Variants in MME observed in about 807,000 individuals in gnomAD.
MME encodes neprilysin.
Under a neutral mutation model 113.2 loss-of-function variants are expected in MME, and 98 were observed. The ratio of observed to expected loss-of-function variants is 0.87; its 90% CI spans 0.74 to 1.02. The LOEUF is 1.02. Ranked by LOEUF, MME falls within the 50% of genes least tolerant of loss-of-function variation. MME has a pLI of 0.00. For synonymous variants in MME, 292 were observed against 300.6 expected, an observed-to-expected ratio of 0.97 and a Z score of 0.30; for missense variants, 836 against 896.0, an observed-to-expected ratio of 0.93 and a Z score of 0.86.
At chr3:155,072,205 T>C (rs1479798322) in intron 1 of MME, among the ~76,000 whole-genome samples, 1 of 143,868 alleles carries the variant, frequency 7.0e-6, no homozygotes, top group Admixed American at 7.0e-5. Context: ...ATCACTGTCC[T>C]AGCCCTTTAA....
At chr3:155,174,983 G>C (rs1712378869) in intron 22 of MME, among the ~76,000 whole-genome samples, 1 of 151,968 alleles carries the variant, frequency 6.6e-6, no homozygotes, top group Admixed American at 6.6e-5. Flanking sequence ...GAGAATGAGA[G>C]GTTGCAAATT....
At chr3:155,028,011 G>C (rs563951026) in intron 1 of MME, among the ~76,000 whole-genome samples, 1 of 152,260 alleles carries the variant, frequency 6.6e-6, no homozygotes, top group African/African-American at 2.4e-5. Flanking sequence ...TCATGCATGG[G>C]TAAATGTAAC....
chr3:155,179,708 GC>G (rs1712893879), intron 22 of MME, among the ~76,000 whole-genome samples: 1 of 152,162 alleles, frequency 6.6e-6, no homozygotes, highest in African/African-American at 2.4e-5. Context: ...ACTGCTAGGT[GC>G]AGATAGTGAG....
chr3:155,173,315 C>T (rs1020327094), intron 22 of MME, among the ~76,000 whole-genome samples: 4 of 147,806 alleles, frequency 2.7e-5, no homozygotes, highest in African/African-American at 1.0e-4. Flanking sequence ...ATCAACAACA[C>T]CTCTCAGGCA....
intron 16 of MME, among the ~76,000 whole-genome samples, chr3:155,155,112 A>T (rs1722221541): frequency 1.3e-5 from 2 of 152,158 alleles, no homozygotes; most frequent in South Asian, 4.1e-4. Context: ...TTCTATTGGC[A>T]AAAAGATTTC....
At chr3:155,138,964 C>A (rs1233681234) in intron 9 of MME, among the ~76,000 whole-genome samples, 1 of 152,074 alleles carries the variant, frequency 6.6e-6, no homozygotes, top group Non-Finnish European at 1.5e-5. Context: ...TTGCAAACGA[C>A]AACCTGCATC....
intron 8 of MME, among the ~76,000 whole-genome samples, chr3:155,119,929 C>A (rs201456667): frequency 0.27 from 20,080 of 73,226 alleles, 2,900 homozygotes; most frequent in African/African-American, 0.3. Flanking sequence ...GGTATATACC[C>A]AGTAATGGGA....
At chr3:155,109,659 A>G (rs1419381819) in intron 3 of MME, among the ~76,000 whole-genome samples, 1 of 152,116 alleles carries the variant, frequency 6.6e-6, no homozygotes, top group Non-Finnish European at 1.5e-5. Flanking sequence ...CCCTGACTGC[A>G]CATTAGACCC....
In MME at chr3:155,168,770, T is replaced by C. The variant is rs1711592146; in HGVS notation, c.1953T>C (p.Asp651=). The C allele has an allele frequency of 1.9e-6, 3 of 1,613,216 alleles. No homozygotes were observed. The highest frequency in any genetic ancestry group is 2.5e-6 in the Non-Finnish European group (3 of 1,179,424). Residue 651 remains aspartate, a synonymous_variant, in exon 20 of 23, where the codon GAT becomes GAC. Transcript: ENST00000360490. ...ATACACTGGGAGAAAACATTGCTGA[T>C]AATGGAGGTCTTGGTCAAGCATACA... is the stretch of plus-strand genomic sequence containing the variant. ...GINTLGENIA[D]NGGLGQAYRA... is the part of the protein sequence containing the mutation.
intron 8 of MME, among the ~76,000 whole-genome samples, chr3:155,133,298 A>C (rs1171938601): frequency 6.6e-6 from 1 of 151,594 alleles, no homozygotes; most frequent in Non-Finnish European, 1.5e-5. Context: ...GTTACATTGG[A>C]GTAGTTACCA....
At chr3:155,090,507 T>G (rs561759557) in intron 3 of MME, 3 of 152,328 alleles carry the variant, frequency 2.0e-5, no homozygotes, top group African/African-American at 7.2e-5. Context: ...ATTATAATAT[T>G]ATTCCAGCAT....
chr3:155,076,739 GT>G (rs1479901368), upstream of MME, among the ~76,000 whole-genome samples: 1 of 152,198 alleles, frequency 6.6e-6, no homozygotes, highest in Non-Finnish European at 1.5e-5. Flanking sequence ...TTATTCATGA[GT>G]TTTCAGGGAA....
intron 1 of MME, among the ~76,000 whole-genome samples, chr3:155,082,986 A>G (rs945261850): frequency 1.3e-5 from 2 of 152,212 alleles, no homozygotes; most frequent in African/African-American, 4.8e-5. Context: ...GTATTGAGCT[A>G]TAAACAGCTA....
chr3:155,093,671 G>C (rs941175162), intron 3 of MME, among the ~76,000 whole-genome samples: 32 of 151,932 alleles, frequency 2.1e-4, no homozygotes, highest in African/African-American at 7.5e-4. Context: ...GCCTGGCCAA[G>C]ATGGTGAAAC....
chr3:155,140,085 G>C, intron 9 of MME, 106 bp from the exon 10 acceptor site: 1 of 705,800 alleles, frequency 1.4e-6, no homozygotes, highest in Non-Finnish European at 2.3e-6. Flanking sequence ...TACAGAATAG[G>C]ACTTAAATTA....
chr3:155,073,605 AG>A (rs1398304077), intron 1 of MME, among the ~76,000 whole-genome samples: 1 of 152,216 alleles, frequency 6.6e-6, no homozygotes, highest in Non-Finnish European at 1.5e-5. Flanking sequence ...GTCCTTGTAA[AG>A]AACAAAACCA....
At chr3:155,157,106 C>T (rs1722374216) in intron 16 of MME, among the ~76,000 whole-genome samples, 1 of 152,098 alleles carries the variant, frequency 6.6e-6, no homozygotes, top group South Asian at 2.1e-4. Context: ...ACATTGTTAG[C>T]TCAGCTTTGA....
intron 9 of MME, among the ~76,000 whole-genome samples, chr3:155,139,518 C>T (rs1361484529): frequency 6.6e-6 from 1 of 152,198 alleles, no homozygotes. Context: ...TTTGTCTCTT[C>T]TCACTTAAAA....
chr3:155,074,151 A>G (rs982564061), intron 1 of MME, among the ~76,000 whole-genome samples: 6 of 151,948 alleles, frequency 3.9e-5, no homozygotes, highest in Non-Finnish European at 7.4e-5. Flanking sequence ...AAAGAAAACT[A>G]TCTCTGGTCA....
Sources: gnomAD v4.1 joint callset for allele counts (sites outside exome capture counted in the v4.1 genomes callset) on GRCh38, gnomAD v4.1.1 for gene constraint, MANE v1.5 for transcripts, NCBI Gene and HGNC (gene_info 2026-07-23, HGNC 2026-07-21) for gene names.